DYRK1A: variants seen among roughly 807,000 people sequenced by gnomAD.
DYRK1A encodes dual specificity tyrosine phosphorylation regulated kinase 1A.
A neutral mutation model predicts 79.7 loss-of-function variants in DYRK1A; 9 were observed. The ratio of observed to expected loss-of-function variants is 0.11; its 90% CI spans 0.07 to 0.20. The LOEUF is 0.20. DYRK1A is among the 10% of genes least tolerant of loss of function. The pLI is 1.00. For synonymous variants in DYRK1A, 349 were observed against 329.7 expected, an observed-to-expected ratio of 1.06 and a Z score of -0.63; for missense variants, 622 against 956.0, an observed-to-expected ratio of 0.65 and a Z score of 4.61.
intron 2 of DYRK1A, among the ~76,000 whole-genome samples, chr21:37,468,818 A>G (rs999237897): frequency 6.6e-6 from 1 of 152,220 alleles, no homozygotes; most frequent in African/African-American, 2.4e-5. Flanking sequence ...TTCCAAAAGT[A>G]TAGTACTAAT....
At chr21:37,487,914 A>T (rs2052931042) in intron 6 of DYRK1A, 2 of 152,092 alleles carry the variant, frequency 1.3e-5, no homozygotes, top group Admixed American at 1.3e-4. Context: ...ACCCATTTCC[A>T]TTCAAGGGTT....
Position 37,505,558 on chromosome 21 carries a change from G to C in DYRK1A, c.1488G>C (p.Ser496=). 1 of 1,608,264 alleles carries C rather than the reference G, an allele frequency of 6.2e-7. No individual in the cohort carries two copies. Among genetic ancestry groups the C allele is most frequent in the Non-Finnish European group, 8.5e-7 (1 of 1,179,688 alleles). Residue 496 remains serine, a synonymous_variant, in exon 10 of 12, where the codon TCG becomes TCC. Transcript: ENST00000647188. Reference sequence around the variant, plus strand: ...CCGCCATGGAGCAGTCTCAGTCTTCGGGCACCACCTCCAGTACATCGTCAA... The same window carrying C: ...CCGCCATGGAGCAGTCTCAGTCTTCCGGCACCACCTCCAGTACATCGTCAA... ...TSPAMEQSQS[S]GTTSSTSSSS...
At chr21:37,480,971 A>T (rs2052619054) in intron 5 of DYRK1A, 145 bp downstream of exon 5, 1 of 634,372 alleles carries the variant, frequency 1.6e-6, no homozygotes, top group South Asian at 2.5e-5. Context: ...GGATGACCAT[A>T]ATTCTTTAAA....
rs539554462 is a variant in DYRK1A at position 37,390,042 on chromosome 21, G to T, written c.-77+22414G>T. Among the ~76,000 whole-genome samples, 37 of 151,746 alleles carry T rather than the reference G, an allele frequency of 2.4e-4. 1 individual carries two copies. The South Asian group carries it at 7.7e-3, about 32-fold the overall frequency. Reference sequence around the variant, plus strand: ...GGGCTCAAGTGATCCTCCTGCCTCAGCCTCCCAAAGTTCTAGGCTTGCAGT... The same window carrying T: ...GGGCTCAAGTGATCCTCCTGCCTCATCCTCCCAAAGTTCTAGGCTTGCAGT... On this transcript the variant is annotated intron_variant, in intron 1 of 11. Transcript: ENST00000647188.
chr21:37,417,759 T>A (rs1390707104), intron 1 of DYRK1A, among the ~76,000 whole-genome samples: 2 of 151,762 alleles, frequency 1.3e-5, no homozygotes, highest in Non-Finnish European at 2.9e-5. Context: ...AAAAAAATGG[T>A]TTGTAAGTTT....
At chr21:37,471,119 A>G (rs2052207605) in intron 2 of DYRK1A, among the ~76,000 whole-genome samples, 2 of 152,356 alleles carry the variant, frequency 1.3e-5, no homozygotes, top group East Asian at 1.9e-4. Flanking sequence ...CACTTTAGCC[A>G]TGTTATTGAG....
chr21:37,389,038 TAAA>T (rs1156392946), intron 1 of DYRK1A, among the ~76,000 whole-genome samples: 1 of 142,868 alleles, frequency 7.0e-6, no homozygotes, highest in Non-Finnish European at 1.6e-5. Flanking sequence ...GCTTTTAAAT[TAAA>T]AAAAAAAATT....
At position 37,520,993 on chromosome 21, in the gene DYRK1A, A is replaced by G. The variant is rs1161888326; in HGVS notation, c.*8462A>G. 6.6e-6 allele frequency: 1 copy of G among 152,202 alleles called. No homozygotes were observed. The highest frequency in any genetic ancestry group is 1.5e-5 in the Non-Finnish European group (1 of 68,070). The allele number at this position is 152,202 out of a possible 1,614,324, so 9.4% of individuals were successfully genotyped here. A position where few individuals can be genotyped will look rare whatever the true frequency, so the allele number is the denominator to read the frequency against. ...GCCCAGGAATGTGGGTGCTGGAGAG[A>G]CGGGCTACCTCTTTCTGTAGGCGGA... On this transcript the variant is annotated 3_prime_UTR_variant, in exon 12 of 12. Coordinates refer to ENST00000647188, the MANE Select transcript of DYRK1A (RefSeq NM_001347721.2).
chr21:37,415,634 T>G (rs1200839825), intron 1 of DYRK1A: 1 of 151,756 alleles, frequency 6.6e-6, no homozygotes, highest in Non-Finnish European at 1.5e-5. Flanking sequence ...CAACCAAGTT[T>G]TTTATTTTTT....
chr21:37,470,180 G>A (rs934646746), intron 2 of DYRK1A, among the ~76,000 whole-genome samples: 2 of 152,062 alleles, frequency 1.3e-5, no homozygotes, highest in Non-Finnish European at 2.9e-5. Flanking sequence ...GGTTTTGGAG[G>A]TCAGGATAGT....
chr21:37,511,426 AT>A (rs1203903405), intron 11 of DYRK1A, among the ~76,000 whole-genome samples: 1 of 152,206 alleles, frequency 6.6e-6, no homozygotes. Flanking sequence ...AAGAGGCCAA[AT>A]TTGGAATCTG....
intron 1 of DYRK1A, among the ~76,000 whole-genome samples, chr21:37,401,700 C>T (rs919257795): frequency 6.6e-6 from 1 of 152,066 alleles, no homozygotes; most frequent in Admixed American, 6.6e-5. Flanking sequence ...CCAGGCTGGT[C>T]TCGAACTCCT....
chr21:37,380,074 A>C (rs2049626049), intron 1 of DYRK1A, among the ~76,000 whole-genome samples: 1 of 152,196 alleles, frequency 6.6e-6, no homozygotes, highest in South Asian at 2.1e-4. Flanking sequence ...ATAATTTTTG[A>C]TGTTGCTTTT....
rs756333908 is a variant in DYRK1A, at chr21:37,493,159, A to T, written c.1067A>T (p.Asn356Ile). ...GGAGAACCTCTGTTCAGTGGTGCCA[A>T]TGAGGTAAATGATGTATTGCTTTAC... ...HTGEPLFSGA[N>I]EVDQMNKIVE... The change falls in exon 8 of 12, where the codon AAT (asparagine) becomes ATT (isoleucine). Residue 356 changes from asparagine (N) to isoleucine (I), a missense_variant. By Grantham distance (149) the Asn-to-Ile change is moderately radical (BLOSUM62 -3). Transcript: ENST00000647188. The T allele has an allele frequency of 1.9e-6, 3 of 1,603,696 alleles. No individual in the cohort carries two copies. The South Asian group carries it at 3.3e-5, about 18-fold the overall frequency.
At chr21:37,401,169 A>G (rs2050045719) in intron 1 of DYRK1A, among the ~76,000 whole-genome samples, 1 of 152,130 alleles carries the variant, frequency 6.6e-6, no homozygotes, top group African/African-American at 2.4e-5. Flanking sequence ...AAAATAGGTT[A>G]TAATTGGACT....
At chr21:37,506,839 G>T (rs1249176311) in intron 11 of DYRK1A, among the ~76,000 whole-genome samples, 1 of 152,180 alleles carries the variant, frequency 6.6e-6, no homozygotes, top group Non-Finnish European at 1.5e-5. Context: ...AAGGTGAGAG[G>T]CCAGTGTAGT....
chr21:37,444,032 C>G (rs1225182170), intron 2 of DYRK1A, among the ~76,000 whole-genome samples: 1 of 152,146 alleles, frequency 6.6e-6, no homozygotes, highest in Admixed American at 6.5e-5. Context: ...CTTCTGTGCT[C>G]TTAGGGTGTT....
chr21:37,469,453 C>G (rs989656183), intron 2 of DYRK1A, among the ~76,000 whole-genome samples: 3 of 152,162 alleles, frequency 2.0e-5, no homozygotes, highest in Admixed American at 6.5e-5. Flanking sequence ...CAATTCTACT[C>G]TATTACATTA....
chr21:37,445,924 G>C (rs2051255582), intron 2 of DYRK1A, among the ~76,000 whole-genome samples: 1 of 152,132 alleles, frequency 6.6e-6, no homozygotes, highest in Admixed American at 6.5e-5. Context: ...TGGGAGTATT[G>C]CTTGAGGAGT....
Sources: allele counts gnomAD v4.1 joint callset (sites outside exome capture counted in the v4.1 genomes callset), GRCh38; gene constraint gnomAD v4.1.1; transcripts MANE v1.5; gene names NCBI Gene and HGNC (gene_info 2026-07-23, HGNC 2026-07-21).